CSMD1: variants seen among roughly 807,000 people sequenced by gnomAD.
CSMD1 encodes CUB and sushi domain-containing protein 1.
In CSMD1, 213 loss-of-function variants were observed where a neutral mutation model predicts 417.5. The observed-to-expected ratio is 0.51, with a 90% CI of 0.46 to 0.57. CSMD1 has a LOEUF of 0.57. CSMD1 is among the 20% of genes least tolerant of loss of function. The pLI is 0.00. For missense variants in CSMD1, 6,923 were observed against 4,529.7 expected (o/e 1.53, Z -15.17); for synonymous variants, 2,862 against 1,736.8 (o/e 1.65, Z -16.11).
At position 3,652,165 on chromosome 8, in the gene CSMD1, G is replaced by A. The variant is rs1021683250; in HGVS notation, c.1010-35368C>T. Among the ~76,000 whole-genome samples the A allele has an allele frequency of 8.1e-5, 10 of 123,610 alleles. No individual in the cohort carries two copies. The East Asian group carries it at 1.0e-3, about 13-fold the overall frequency. The allele number at this position is 123,610 out of a possible 152,430, so 81.1% of individuals were successfully genotyped here. ...TCAGAGCGCTTACCACCATCAGAGC[G>A]CTTACCACCATCAGAACACCTACCA... On this transcript the variant is annotated intron_variant, in intron 7 of 69. Transcript: ENST00000635120.
At chr8:3,221,864 T>A (rs28396162) in intron 28 of CSMD1, among the ~76,000 whole-genome samples, 13,711 of 152,022 alleles carry the variant, frequency 0.09, 654 homozygotes, top group African/African-American at 0.12. Context: ...CATATGATTC[T>A]TTGCCTTTAC....
chr8:4,113,708 C>G (rs1049155363), intron 3 of CSMD1, among the ~76,000 whole-genome samples: 1 of 152,130 alleles, frequency 6.6e-6, no homozygotes, highest in African/African-American at 2.4e-5. Context: ...CCAGCCAGTG[C>G]TACTCTTATA....
intron 3 of CSMD1, among the ~76,000 whole-genome samples, chr8:4,301,404 C>T (rs1002848485): frequency 6.6e-6 from 1 of 152,142 alleles, no homozygotes; most frequent in Non-Finnish European, 1.5e-5. Flanking sequence ...GTTGTGTCTC[C>T]AGGATGGTAC....
intron 8 of CSMD1, among the ~76,000 whole-genome samples, chr8:3,604,234 T>G (rs901944620): frequency 2.6e-5 from 4 of 151,962 alleles, no homozygotes; most frequent in African/African-American, 9.7e-5. Context: ...ATTGGAAGCA[T>G]AGACGTGCAT....
chr8:4,171,253 G>C lies in CSMD1; in HGVS notation c.416-139154C>G, dbSNP rs374575691. The stretch of plus-strand genomic sequence containing the variant: ...GCTCAACCGTTCACTTGTCCATGCA[G>C]TTTTCCTAACTCATTCATTCACCTG... On this transcript the variant is annotated intron_variant, in intron 3 of 69. Transcript: ENST00000635120. Among the ~76,000 whole-genome samples the C allele has an allele frequency of 1.1e-3, 161 of 151,982 alleles. 6 individuals carry two copies. The South Asian group carries it at 0.032, about 30-fold the overall frequency.
At chr8:3,302,964 T>G (rs1288705105) in intron 25 of CSMD1, among the ~76,000 whole-genome samples, 1 of 152,212 alleles carries the variant, frequency 6.6e-6, no homozygotes, top group Non-Finnish European at 1.5e-5. Context: ...GACCAGCAAC[T>G]GCTCCCAGAG....
intron 3 of CSMD1, among the ~76,000 whole-genome samples, chr8:4,413,360 A>T (rs1796751907): frequency 6.6e-6 from 1 of 152,100 alleles, no homozygotes; most frequent in Non-Finnish European, 1.5e-5. Flanking sequence ...TCATTCTTTT[A>T]TCCGACACAT....
intron 1 of CSMD1, among the ~76,000 whole-genome samples, chr8:4,932,306 G>T (rs966863929): frequency 6.7e-6 from 1 of 149,550 alleles, no homozygotes; most frequent in Admixed American, 6.8e-5. Flanking sequence ...GTAACATTTG[G>T]TACCAAGTAA....
At chr8:3,404,944 C>G (rs893004189) in intron 15 of CSMD1, among the ~76,000 whole-genome samples, 2 of 152,050 alleles carry the variant, frequency 1.3e-5, no homozygotes, top group African/African-American at 4.8e-5. Context: ...AGAAAACATT[C>G]TTGAAAAAAA....
chr8:3,065,063 A>G (rs1812831370), intron 49 of CSMD1, among the ~76,000 whole-genome samples: 1 of 152,202 alleles, frequency 6.6e-6, no homozygotes, highest in Non-Finnish European at 1.5e-5. Flanking sequence ...GAAAAAGTAA[A>G]CAAACAGATG....
intron 3 of CSMD1, among the ~76,000 whole-genome samples, chr8:4,032,501 C>G (rs1199776877): frequency 6.6e-6 from 1 of 152,148 alleles, no homozygotes; most frequent in African/African-American, 2.4e-5. Flanking sequence ...AGAAATACTG[C>G]AAGAGTGAAT....
chr8:4,068,719 A>G (rs1215088616), intron 3 of CSMD1, among the ~76,000 whole-genome samples: 3 of 152,200 alleles, frequency 2.0e-5, no homozygotes, highest in African/African-American at 4.8e-5. Context: ...GAAAAAAGAA[A>G]TAACTATGCC....
intron 5 of CSMD1, among the ~76,000 whole-genome samples, chr8:3,799,863 G>A (rs1428439249): frequency 1.3e-5 from 2 of 152,062 alleles, no homozygotes; most frequent in African/African-American, 4.8e-5. Context: ...TCACAGTCCT[G>A]AATTTAAGCT....
intron 5 of CSMD1, among the ~76,000 whole-genome samples, chr8:3,948,525 T>C (rs534292531): frequency 2.3e-4 from 35 of 152,232 alleles, no homozygotes; most frequent in African/African-American, 7.5e-4. Flanking sequence ...ATTTTCTTTA[T>C]TTTATATATA....
intron 26 of CSMD1, among the ~76,000 whole-genome samples, chr8:3,277,351 G>C (rs1802376282): frequency 6.6e-6 from 1 of 152,182 alleles, no homozygotes; most frequent in Admixed American, 6.5e-5. Flanking sequence ...CTGTGCGCAG[G>C]TGGGCCAGAA....
intron 5 of CSMD1, among the ~76,000 whole-genome samples, chr8:3,775,972 C>G (rs926503021): frequency 6.6e-6 from 1 of 152,198 alleles, no homozygotes; most frequent in African/African-American, 2.4e-5. Context: ...ATGTCATCAG[C>G]CCAGGCTTCC....
chr8:3,240,812 C>A (rs1799447921), intron 26 of CSMD1, among the ~76,000 whole-genome samples: 1 of 152,068 alleles, frequency 6.6e-6, no homozygotes, highest in African/African-American at 2.4e-5. Flanking sequence ...AGGCGCAGAT[C>A]CTGAACTAAC....
chr8:4,209,441 G>C (rs1286777602), intron 3 of CSMD1, among the ~76,000 whole-genome samples: 1 of 152,128 alleles, frequency 6.6e-6, no homozygotes, highest in Non-Finnish European at 1.5e-5. Context: ...TCCTCATCAA[G>C]CCAAGTGAGG....
At chr8:3,386,838 T>A (rs1225261106) in intron 18 of CSMD1, among the ~76,000 whole-genome samples, 3 of 152,190 alleles carry the variant, frequency 2.0e-5, no homozygotes, top group Non-Finnish European at 4.4e-5. Flanking sequence ...TACCCCAAGT[T>A]TTTTTGGCAA....
Sources: gnomAD v4.1 joint callset for allele counts (sites outside exome capture counted in the v4.1 genomes callset) on GRCh38, gnomAD v4.1.1 for gene constraint, MANE v1.5 for transcripts, NCBI Gene and HGNC (gene_info 2026-07-23, HGNC 2026-07-21) for gene names.